The following DNAH14 variants were observed in gnomAD, a reference collection of about 807,000 sequenced individuals.
DNAH14 encodes axonemal beta dynein heavy chain 14.
A neutral mutation model predicts 520.9 loss-of-function variants in DNAH14; 478 were observed. The ratio of observed to expected loss-of-function variants is 0.92; its 90% CI spans 0.85 to 0.99. DNAH14 has a LOEUF of 0.99. Ranked by LOEUF, DNAH14 falls within the 50% of genes least tolerant of loss-of-function variation. The probability of loss-of-function intolerance (pLI) is 0.00; values close to 1 mark genes in which losing one functional copy is unlikely to be tolerated. For missense variants in DNAH14, 4,831 were observed against 5,234.5 expected (o/e 0.92, Z 2.38); for synonymous variants, 1,581 against 1,757.2 (o/e 0.90, Z 2.51).
chr1:225,236,574 C>CT lies in DNAH14; in HGVS notation c.6519-4016dup, dbSNP rs146361812. ...AGAGCTGAGTTCACATCCTGAATAT[C>CT]TTTGTTAATTTTCTGTCTCAATGAT... On this transcript the variant is annotated intron_variant, in intron 42 of 85. Transcript: ENST00000682510. Among the ~76,000 whole-genome samples the CT allele has an allele frequency of 5.0e-3, 761 of 152,256 alleles. 6 individuals carry two copies. Among genetic ancestry groups the CT allele is most frequent in the African/African-American group, 0.017 (718 of 41,550 alleles).
At chr1:225,202,902 CTAAGT>C (rs1238703041) in intron 38 of DNAH14, among the ~76,000 whole-genome samples, 3 of 152,316 alleles carry the variant, frequency 2.0e-5, no homozygotes, top group South Asian at 4.1e-4. Flanking sequence ...GCTCAGCTAT[CTAAGT>C]TGACTAAGCT....
chr1:225,049,984 C>T (rs931187220), intron 15 of DNAH14, among the ~76,000 whole-genome samples: 5 of 152,142 alleles, frequency 3.3e-5, no homozygotes, highest in African/African-American at 1.2e-4. Context: ...TCAATCATGC[C>T]TCCCATCACC....
At chr1:225,389,013 C>T (rs1184544024) in intron 82 of DNAH14, among the ~76,000 whole-genome samples, 1 of 152,194 alleles carries the variant, frequency 6.6e-6, no homozygotes, top group Non-Finnish European at 1.5e-5. Context: ...CTGCCTTGGC[C>T]TCCCAAAGTG....
intron 41 of DNAH14, among the ~76,000 whole-genome samples, chr1:225,226,535 G>A (rs12094780): frequency 0.015 from 2,335 of 152,250 alleles, 48 homozygotes; most frequent in East Asian, 0.053. Context: ...GGTCTGTCAC[G>A]GAGGACAAGC....
intron 69 of DNAH14, among the ~76,000 whole-genome samples, chr1:225,343,676 A>T (rs2095237381): frequency 6.6e-6 from 1 of 152,190 alleles, no homozygotes; most frequent in African/African-American, 2.4e-5. Context: ...AGAGGACCTG[A>T]CTTTATTCCT....
intron 21 of DNAH14, among the ~76,000 whole-genome samples, chr1:225,095,655 A>G (rs545267420): frequency 6.6e-6 from 1 of 152,196 alleles, no homozygotes; most frequent in African/African-American, 2.4e-5. Context: ...AGTTATACAG[A>G]AAAAGGGAAT....
intron 36 of DNAH14, among the ~76,000 whole-genome samples, chr1:225,173,793 A>G (rs1333094623): frequency 6.6e-6 from 1 of 152,240 alleles, no homozygotes; most frequent in African/African-American, 2.4e-5. Context: ...TCATGCTAGT[A>G]TAAAGACATA....
intron 1 of DNAH14, among the ~76,000 whole-genome samples, chr1:224,931,061 G>T (rs2058669701): frequency 6.6e-6 from 1 of 152,128 alleles, no homozygotes; most frequent in Admixed American, 6.5e-5. Flanking sequence ...GAGACCTAGT[G>T]GGACAAGATG....
intron 1 of DNAH14, among the ~76,000 whole-genome samples, chr1:224,949,695 T>A (rs1279819577): frequency 6.6e-6 from 1 of 152,212 alleles, no homozygotes; most frequent in African/African-American, 2.4e-5. Context: ...CCCTCTCTTG[T>A]ATAAACACAT....
chr1:224,998,077 A>G (rs2063514156), intron 8 of DNAH14, among the ~76,000 whole-genome samples: 1 of 152,140 alleles, frequency 6.6e-6, no homozygotes, highest in African/African-American at 2.4e-5. Context: ...TTATGTATAG[A>G]ATTATTCATA....
At chr1:225,245,449 C>A (rs1306632580) in intron 43 of DNAH14, among the ~76,000 whole-genome samples, 4 of 152,024 alleles carry the variant, frequency 2.6e-5, no homozygotes, top group Non-Finnish European at 5.9e-5. Flanking sequence ...TGGGGTGTTA[C>A]AGTTTCCCAC....
chr1:225,352,271 CT>C (rs1201150996), intron 72 of DNAH14, among the ~76,000 whole-genome samples: 3 of 152,088 alleles, frequency 2.0e-5, no homozygotes, highest in Non-Finnish European at 4.4e-5. Flanking sequence ...TTTAGCACAT[CT>C]TTTGCTTTTT....
intron 58 of DNAH14, among the ~76,000 whole-genome samples, chr1:225,305,783 C>T (rs1269473820): frequency 6.6e-6 from 1 of 152,224 alleles, no homozygotes; most frequent in African/African-American, 2.4e-5. Flanking sequence ...CCAAGTCCAT[C>T]TCCTAAACCT....
intron 7 of DNAH14, chr1:224,969,310 T>C (rs2501151): frequency 0.2 from 32,483 of 161,036 alleles, 4,491 homozygotes; most frequent in African/African-American, 0.39. Flanking sequence ...GGTTAGGGGC[T>C]CTGACCCCCT....
chr1:225,083,750 C>A (rs191158537), intron 20 of DNAH14, among the ~76,000 whole-genome samples: 8 of 152,218 alleles, frequency 5.3e-5, no homozygotes, highest in African/African-American at 1.9e-4. Context: ...ACATGCCCAA[C>A]TGATATACAT....
chr1:224,996,641 C>T (rs931432072), intron 8 of DNAH14, among the ~76,000 whole-genome samples: 1 of 152,048 alleles, frequency 6.6e-6, no homozygotes, highest in East Asian at 1.9e-4. Context: ...GGTGAGACCC[C>T]GACTGAGCTC....
At chr1:225,122,570 T>A (rs1156680305) in intron 26 of DNAH14, among the ~76,000 whole-genome samples, 1 of 152,192 alleles carries the variant, frequency 6.6e-6, no homozygotes, top group Admixed American at 6.5e-5. Context: ...TTGAGAGATG[T>A]ATAGCAATGT....
At chr1:225,107,646 C>T (rs2076174977) in intron 23 of DNAH14, among the ~76,000 whole-genome samples, 1 of 152,104 alleles carries the variant, frequency 6.6e-6, no homozygotes, top group Non-Finnish European at 1.5e-5. Flanking sequence ...GACAGGAACC[C>T]CACCTGCCAT....
At chr1:225,141,824 A>C (rs769297) in intron 28 of DNAH14, among the ~76,000 whole-genome samples, 19,090 of 152,178 alleles carry the variant, frequency 0.13, 3,695 homozygotes, top group African/African-American at 0.42. Context: ...GTCAATTAGT[A>C]AAATATGAAA....
Sources: gnomAD v4.1 joint callset for allele counts (sites outside exome capture counted in the v4.1 genomes callset) on GRCh38, gnomAD v4.1.1 for gene constraint, MANE v1.5 for transcripts, NCBI Gene and HGNC (gene_info 2026-07-23, HGNC 2026-07-21) for gene names.